Variants in TPX2 observed in about 807,000 individuals in gnomAD.
TPX2 encodes TPX2 microtubule nucleation factor.
A neutral mutation model predicts 93.6 loss-of-function variants in TPX2; 21 were observed. The observed-to-expected ratio is 0.22, with a 90% CI of 0.16 to 0.32. The LOEUF is 0.32. Among genes scored for constraint, TPX2 ranks in the 10% least tolerant of loss-of-function variants. The probability of loss-of-function intolerance (pLI) is 1.00; values close to 1 mark genes in which losing one functional copy is unlikely to be tolerated. For synonymous variants in TPX2, 281 were observed against 298.3 expected (o/e 0.94, Z 0.60); for missense variants, 776 against 871.1 (o/e 0.89, Z 1.37).
In TPX2 at chr20:31,784,001, A is replaced by G; in HGVS notation, c.1413+80A>G. ...CACCCATTCACACAAAAGTTTGGGT[A>G]GATATTATGAGCAGGGCATCATATT... is the stretch of plus-strand genomic sequence containing the variant. On this transcript the variant is annotated intron_variant, in intron 12 of 17. Transcript: ENST00000300403. 4 of 1,437,290 alleles carry G rather than the reference A, an allele frequency of 2.8e-6. No individual in the cohort carries two copies. In the South Asian group the frequency reaches 4.8e-5, roughly 17 times the overall value. 89.0% of individuals were successfully genotyped at this position (1,437,290 alleles called of 1,614,324 possible).
Position 31,771,578 on chromosome 20 carries a change from G to A in TPX2, c.504G>A (p.Lys168=), listed in dbSNP as rs757981728. The part of the protein sequence containing the change: ...KKMKVSNNKK[K]PEEEGSAHQD... ...ACTCAAGTTCTAACAACAAAAAGAAGCCAGAGGAAGAAGGCAGTGCTCATC... is the reference window on the plus strand; with the variant it reads ...ACTCAAGTTCTAACAACAAAAAGAAACCAGAGGAAGAAGGCAGTGCTCATC... Residue 168 remains lysine, a synonymous_variant, in exon 7 of 18, where the codon AAG becomes AAA. Coordinates refer to ENST00000300403, the MANE Select transcript of TPX2 (RefSeq NM_012112.5). 8.7e-6 allele frequency: 14 copies of A among 1,609,792 alleles called. No homozygotes were observed. In the African/African-American group the frequency reaches 1.7e-4, roughly 20 times the overall value.
intron 4 of TPX2, 151 bp from the exon 5 acceptor site, chr20:31,766,405 T>G: frequency 1.3e-6 from 1 of 787,434 alleles, no homozygotes; most frequent in Non-Finnish European, 1.9e-6. Flanking sequence ...TATAAACTGG[T>G]CTTCTGTATA....
intron 2 of TPX2, among the ~76,000 whole-genome samples, chr20:31,745,790 T>G (rs2061780799): frequency 6.6e-6 from 1 of 152,228 alleles, no homozygotes; most frequent in Non-Finnish European, 1.5e-5. Context: ...TTCATACTAT[T>G]GGAATATCAG....
rs1430771838 is a variant in TPX2, at chr20:31,801,122, G to T, written c.*42G>T. Reference sequence around the variant, plus strand: ...CGGATACCGCCCGGCAATGGGACCTGCTCTTAACCTCAAACCTAGGACCGT... The same window carrying T: ...CGGATACCGCCCGGCAATGGGACCTTCTCTTAACCTCAAACCTAGGACCGT... On this transcript the variant is annotated 3_prime_UTR_variant, in exon 18 of 18. Transcript: ENST00000300403. 7.1e-6 allele frequency: 11 copies of T among 1,555,162 alleles called. No homozygotes were observed. Among genetic ancestry groups the T allele is most frequent in the African/African-American group, 1.4e-5 (1 of 73,734 alleles).
intron 12 of TPX2, among the ~76,000 whole-genome samples, chr20:31,786,150 A>C (rs1370912139): frequency 6.6e-6 from 1 of 152,148 alleles, no homozygotes; most frequent in Non-Finnish European, 1.5e-5. Flanking sequence ...GTAGGTACTT[A>C]ATCCATTTTA....
chr20:31,773,353 G>T (rs1320022340), intron 7 of TPX2, among the ~76,000 whole-genome samples: 1 of 146,734 alleles, frequency 6.8e-6, no homozygotes, highest in East Asian at 1.9e-4. Context: ...GTTTCACCAT[G>T]TTGGCCAGGC....
At position 31,800,996 on chromosome 20, in the gene TPX2, G is replaced by A. The variant is rs1474307060; in HGVS notation, c.2160G>A (p.Lys720=). 3 of 1,614,194 alleles carry A rather than the reference G, an allele frequency of 1.9e-6. No individual in the cohort carries two copies. The South Asian group carries it at 3.3e-5, about 18-fold the overall frequency. ...ELVHKANPIR[K]YQGLEIKSSD... ...TGCATAAGGCAAATCCAATACGCAA[G>A]TACCAGGGTCTGGAGATAAAGTCAA... Residue 720 remains lysine (K), a synonymous_variant, in exon 18 of 18, where the codon AAG becomes AAA. Coordinates refer to ENST00000300403, the MANE Select transcript of TPX2 (RefSeq NM_012112.5).
At chr20:31,775,692 T>C (rs560448633) in intron 7 of TPX2, among the ~76,000 whole-genome samples, 175 bp from the exon 8 acceptor site, 34 of 152,280 alleles carry the variant, frequency 2.2e-4, no homozygotes, top group African/African-American at 8.2e-4. Context: ...TGCATTTTTA[T>C]TTATTTTCAT....
intron 2 of TPX2, among the ~76,000 whole-genome samples, chr20:31,749,033 C>T (rs1453257066): frequency 2.0e-5 from 3 of 151,674 alleles, no homozygotes; most frequent in Non-Finnish European, 4.4e-5. Context: ...GCAACCTCCG[C>T]CTCCTGGGTT....
chr20:31,783,914 ATGT>A lies in TPX2; in HGVS notation c.1410_1412del (p.Val471del). On this transcript the variant is annotated inframe_deletion, in exon 12 of 18. Transcript: ENST00000300403. ...CCTTGCCCTACTAAGATTTTGGAAG[ATGT>A]TGTGGTAAGGTTGAGGCTATGTGTG... The A allele has an allele frequency of 6.2e-7, 1 of 1,613,398 alleles. No homozygotes were observed. The highest frequency in any genetic ancestry group is 8.5e-7 in the Non-Finnish European group (1 of 1,179,892).
At chr20:31,799,755 C>T (rs2062158447) in intron 17 of TPX2, among the ~76,000 whole-genome samples, 1 of 151,724 alleles carries the variant, frequency 6.6e-6, no homozygotes, top group East Asian at 1.9e-4. Flanking sequence ...CAAAAATTAG[C>T]CGGGCATGGT....
chr20:31,778,757 G>T, intron 9 of TPX2, 56 bp from the exon 10 acceptor site: 2 of 1,465,494 alleles, frequency 1.4e-6, no homozygotes, highest in East Asian at 2.4e-5. Flanking sequence ...GTGGCTTATG[G>T]TAGATGTGAG....
At chr20:31,766,780 G>A in intron 5 of TPX2, 98 bp downstream of exon 5, 1 of 1,172,456 alleles carries the variant, frequency 8.5e-7, no homozygotes, top group East Asian at 2.8e-5. Context: ...TGTGTTTATG[G>A]ACACCTTTAT....
At position 31,776,077 on chromosome 20, in the gene TPX2, T is replaced by G. The variant is rs1240044985; in HGVS notation, c.730+89T>G. On this transcript the variant is annotated intron_variant, in intron 8 of 17. Transcript: ENST00000300403. ...TTTTTTTTTTTTTTTTTTTTTTTTT[T>G]TTTTTTTTTTTTTTGAGACGGAGTC... 28 of 626,080 alleles carry G rather than the reference T, an allele frequency of 4.5e-5. 1 individual carries two copies. The highest frequency in any genetic ancestry group is 1.8e-4 in the African/African-American group (3 of 16,372). The allele number at this position is 626,080 out of a possible 1,614,324, so 38.8% of individuals were successfully genotyped here. A position where few individuals can be genotyped will look rare whatever the true frequency, so the allele number is the denominator to read the frequency against.
chr20:31,739,750 T>G (rs1018814157), intron 1 of TPX2, 129 bp downstream of exon 1: 1 of 152,374 alleles, frequency 6.6e-6, no homozygotes, highest in African/African-American at 2.4e-5. Context: ...TTGGTCCCTC[T>G]TGACAGAAAC....
chr20:31,775,834 TC>T lies in TPX2; in HGVS notation c.609-31del. 2.0e-6 allele frequency: 3 copies of T among 1,473,356 alleles called. No individual in the cohort carries two copies. In the African/African-American group the frequency reaches 4.3e-5, roughly 21 times the overall value. The allele number at this position is 1,473,356 out of a possible 1,614,324, so 91.3% of individuals were successfully genotyped here. On this transcript the variant is annotated intron_variant, in intron 7 of 17. Coordinates refer to ENST00000300403, the MANE Select transcript of TPX2 (RefSeq NM_012112.5). Reference sequence around the variant, plus strand: ...TGAGTCACTGGGTGCCTTTCTCCTCTCCTCTCTTCTCATTTACTGATTTTCT... The same window carrying T: ...TGAGTCACTGGGTGCCTTTCTCCTCTCTCTCTTCTCATTTACTGATTTTCT...
chr20:31,770,080 A>G (rs996448054), intron 5 of TPX2, among the ~76,000 whole-genome samples: 1 of 152,210 alleles, frequency 6.6e-6, no homozygotes, highest in African/African-American at 2.4e-5. Flanking sequence ...GATGGCAAGC[A>G]TGAGCTACCA....
intron 12 of TPX2, among the ~76,000 whole-genome samples, 177 bp from the exon 13 acceptor site, chr20:31,792,558 T>C (rs1056663235): frequency 1.3e-5 from 2 of 152,100 alleles, no homozygotes; most frequent in African/African-American, 4.8e-5. Flanking sequence ...ACACCTGTAA[T>C]CCCAGCACTT....
At chr20:31,765,144 CTT>C (rs2061916438) in intron 4 of TPX2, among the ~76,000 whole-genome samples, 2 of 151,466 alleles carry the variant, frequency 1.3e-5, no homozygotes, top group Non-Finnish European at 2.9e-5. Context: ...TCCCATAACA[CTT>C]TTTTTCTATT....
Sources: allele counts gnomAD v4.1 joint callset (sites outside exome capture counted in the v4.1 genomes callset), GRCh38; gene constraint gnomAD v4.1.1; transcripts MANE v1.5; gene names NCBI Gene and HGNC (gene_info 2026-07-23, HGNC 2026-07-21).